The following AGBL4 variants were observed in gnomAD, a reference collection of about 807,000 sequenced individuals.
AGBL4 encodes cytosolic carboxypeptidase 6.
AGBL4 carries 58 observed loss-of-function variants against 66.4 expected under a neutral mutation model. The observed-to-expected ratio is 0.87, with a 90% CI of 0.71 to 1.09. The LOEUF (loss-of-function observed/expected upper bound fraction) is 1.09, where lower values mean the gene tolerates loss of function less well. Ranked by LOEUF, AGBL4 falls within the 50% of genes least tolerant of loss-of-function variation. AGBL4 has a pLI of 0.00. For synonymous variants in AGBL4, 234 were observed against 222.9 expected (o/e 1.05, Z -0.44); for missense variants, 579 against 631.0 (o/e 0.92, Z 0.88).
At chr1:49,331,181 C>A (rs1279873719) in intron 3 of AGBL4, among the ~76,000 whole-genome samples, 2 of 152,088 alleles carry the variant, frequency 1.3e-5, no homozygotes, top group African/African-American at 4.8e-5. Context: ...TTTACTTACT[C>A]CTACCCCAGG....
At chr1:49,502,382 C>T (rs1292944665) in intron 3 of AGBL4, among the ~76,000 whole-genome samples, 1 of 151,992 alleles carries the variant, frequency 6.6e-6, no homozygotes, top group Admixed American at 6.5e-5. Flanking sequence ...TTCTGCCCTT[C>T]TAGAGAACCC....
At chr1:50,023,688 C>G in intron 1 of AGBL4, 75 bp downstream of exon 1, 1 of 1,491,584 alleles carries the variant, frequency 6.7e-7, no homozygotes, top group South Asian at 1.3e-5. Flanking sequence ...AGGACCATGC[C>G]CGAGTCCCCT....
the AGBL4 span, among the ~76,000 whole-genome samples, chr1:48,522,561 T>C: frequency 6.6e-6 from 1 of 152,184 alleles, no homozygotes; most frequent in East Asian, 1.9e-4. Context: ...CTTTGGCAGC[T>C]CAAGTGTGCT....
chr1:49,980,544 T>C (rs1037574284), intron 1 of AGBL4, among the ~76,000 whole-genome samples: 2 of 152,186 alleles, frequency 1.3e-5, no homozygotes, highest in African/African-American at 4.8e-5. Context: ...GACTGGCTTA[T>C]TTCACTTATC....
intron 3 of AGBL4, among the ~76,000 whole-genome samples, chr1:49,298,022 A>T (rs1382453553): frequency 1.3e-5 from 2 of 152,216 alleles, no homozygotes; most frequent in East Asian, 1.9e-4. Context: ...CTGCCTTTGA[A>T]TTTGCTAGCC....
intron 5 of AGBL4, among the ~76,000 whole-genome samples, chr1:48,984,909 A>C (rs1424498695): frequency 6.6e-6 from 1 of 152,020 alleles, no homozygotes; most frequent in Non-Finnish European, 1.5e-5. Flanking sequence ...AGAATTCCAC[A>C]ATGGAAATTG....
intron 1 of AGBL4, chr1:49,994,892 T>C: frequency 2.9e-6 from 1 of 350,324 alleles, no homozygotes; most frequent in Non-Finnish European, 5.6e-6. Flanking sequence ...GTCCAGATCA[T>C]GGGAGAAGGA....
intron 4 of AGBL4, among the ~76,000 whole-genome samples, chr1:49,215,795 T>A (rs867179189): frequency 4.6e-5 from 7 of 152,208 alleles, no homozygotes; most frequent in Middle Eastern, 3.4e-3. Flanking sequence ...CTAATTTGCC[T>A]TCCTGTGGTC....
intron 1 of AGBL4, among the ~76,000 whole-genome samples, chr1:49,889,295 C>T (rs1333004515): frequency 6.6e-6 from 1 of 152,186 alleles, no homozygotes; most frequent in Non-Finnish European, 1.5e-5. Context: ...GCTATCACCA[C>T]ACCACCTCAC....
chr1:49,372,505 C>G (rs1380537792), intron 3 of AGBL4, among the ~76,000 whole-genome samples: 1 of 152,088 alleles, frequency 6.6e-6, no homozygotes, highest in Non-Finnish European at 1.5e-5. Flanking sequence ...ACCCATGACC[C>G]GAACTTACCT....
At chr1:49,060,687 T>G (rs1457580553) in intron 4 of AGBL4, among the ~76,000 whole-genome samples, 2 of 152,150 alleles carry the variant, frequency 1.3e-5, no homozygotes, top group African/African-American at 4.8e-5. Flanking sequence ...AGGCTAGGTA[T>G]AAACAAGGTT....
chr1:49,574,507 A>T (rs1644396596), intron 3 of AGBL4, among the ~76,000 whole-genome samples: 1 of 152,298 alleles, frequency 6.6e-6, no homozygotes, highest in South Asian at 2.1e-4. Context: ...AGACCTACTC[A>T]TTCCAGCTGA....
intron 2 of AGBL4, among the ~76,000 whole-genome samples, chr1:49,763,479 T>C (rs1462850268): frequency 2.0e-5 from 3 of 152,222 alleles, no homozygotes; most frequent in Admixed American, 6.5e-5. Flanking sequence ...GAGCAAATAC[T>C]AGTTCTTCAA....
At chr1:50,022,538 G>A (rs1239219121) in intron 1 of AGBL4, among the ~76,000 whole-genome samples, 1 of 151,556 alleles carries the variant, frequency 6.6e-6, no homozygotes, top group Admixed American at 6.6e-5. Flanking sequence ...GAGACATAAT[G>A]GTTCCTCGAA....
intron 2 of AGBL4, among the ~76,000 whole-genome samples, chr1:49,826,174 T>G (rs1645505233): frequency 6.6e-6 from 1 of 152,076 alleles, no homozygotes; most frequent in African/African-American, 2.4e-5. Flanking sequence ...TTATAAAAAT[T>G]AATAAAAAAC....
intron 3 of AGBL4, among the ~76,000 whole-genome samples, chr1:49,403,177 ATATGTT>A (rs1350709620): frequency 1.3e-5 from 2 of 152,144 alleles, no homozygotes; most frequent in African/African-American, 2.4e-5. Context: ...TTGGGTGTAT[ATATGTT>A]TATAATTGTT....
At chr1:49,272,813 A>C (rs1644089260) in intron 3 of AGBL4, among the ~76,000 whole-genome samples, 1 of 152,194 alleles carries the variant, frequency 6.6e-6, no homozygotes, top group Admixed American at 6.5e-5. Flanking sequence ...ACTTATAAAT[A>C]AATACTCATT....
chr1:49,822,794 G>C (rs149233029), intron 2 of AGBL4, among the ~76,000 whole-genome samples: 1 of 152,158 alleles, frequency 6.6e-6, no homozygotes, highest in East Asian at 1.9e-4. Context: ...TGCAATGATG[G>C]GGACTGGAGA....
chr1:48,746,801 TG>T (rs1194312376), intron 6 of AGBL4, among the ~76,000 whole-genome samples: 2 of 152,172 alleles, frequency 1.3e-5, no homozygotes, highest in Non-Finnish European at 2.9e-5. Context: ...CTGACGTCTC[TG>T]GAAGAGCCTA....
Sources: gnomAD v4.1 joint callset for allele counts (sites outside exome capture counted in the v4.1 genomes callset) on GRCh38, gnomAD v4.1.1 for gene constraint, MANE v1.5 for transcripts, NCBI Gene and HGNC (gene_info 2026-07-23, HGNC 2026-07-21) for gene names.